The following HMGB1 variants were observed in gnomAD, a reference collection of about 807,000 sequenced individuals.
The protein encoded by HMGB1 is high mobility group protein B1.
For missense variants in HMGB1, 79 were observed against 253.5 expected (o/e 0.31, Z 4.67); for synonymous variants, 81 against 84.0 (o/e 0.96, Z 0.19).
intron 1 of HMGB1, among the ~76,000 whole-genome samples, chr13:30,517,445 C>A (rs1888125798): frequency 6.6e-6 from 1 of 152,254 alleles, no homozygotes; most frequent in Non-Finnish European, 1.5e-5. Flanking sequence ...CGCTCTGTCA[C>A]CCAGACTGGA....
intron 1 of HMGB1, among the ~76,000 whole-genome samples, chr13:30,478,400 G>A (rs1323335021): frequency 2.0e-5 from 3 of 152,042 alleles, no homozygotes; most frequent in Admixed American, 2.0e-4. Flanking sequence ...TTTATAATGT[G>A]GAAACAACCT....
In HMGB1 at chr13:30,457,486, G is replaced by A. The variant is rs1373702269; in HGVS notation, c.*3871C>T. Reference sequence around the variant, plus strand: ...TAATCCCAGCTACTTGAGAAACTGAGGCGGGAGGATTGTTTGAGCAGATTT... The same window carrying A: ...TAATCCCAGCTACTTGAGAAACTGAAGCGGGAGGATTGTTTGAGCAGATTT... On this transcript the variant is annotated 3_prime_UTR_variant, in exon 5 of 5. Coordinates refer to ENST00000341423, the MANE Select transcript of HMGB1 (RefSeq NM_002128.7). 6.6e-6 allele frequency: 1 copy of A among 152,202 alleles called. No homozygotes were observed. Among genetic ancestry groups the A allele is most frequent in the African/African-American group, 2.4e-5 (1 of 41,452 alleles). The allele number at this position is 152,202 out of a possible 1,614,324, so 9.4% of individuals were successfully genotyped here. A position where few individuals can be genotyped will look rare whatever the true frequency, so the allele number is the denominator to read the frequency against.
intron 1 of HMGB1, among the ~76,000 whole-genome samples, chr13:30,611,567 A>G (rs1457031118): frequency 1.3e-5 from 2 of 152,222 alleles, no homozygotes; most frequent in African/African-American, 4.8e-5. Context: ...GGGTCTTCCT[A>G]TAATTAAAAT....
At chr13:30,529,882 T>C (rs1288983092) in intron 1 of HMGB1, among the ~76,000 whole-genome samples, 1 of 152,228 alleles carries the variant, frequency 6.6e-6, no homozygotes, top group African/African-American at 2.4e-5. Context: ...TTTCTAAGCA[T>C]ATTATTTCCC....
At chr13:30,512,098 G>A (rs1195099118) in intron 1 of HMGB1, among the ~76,000 whole-genome samples, 3 of 151,812 alleles carry the variant, frequency 2.0e-5, no homozygotes, top group Non-Finnish European at 4.4e-5. Context: ...AGGATCACTT[G>A]AGCTCAGGAG....
chr13:30,589,007 C>CTTTTTTTTTT (rs1292576513), intron 1 of HMGB1, among the ~76,000 whole-genome samples: 1 of 141,718 alleles, frequency 7.1e-6, no homozygotes, highest in African/African-American at 2.6e-5. Context: ...TAGTTTACCA[C>CTTTTTTTTTT]TTTTTTTTTT....
At chr13:30,603,693 A>G (rs1950425587) in intron 1 of HMGB1, among the ~76,000 whole-genome samples, 1 of 152,234 alleles carries the variant, frequency 6.6e-6, no homozygotes, top group Admixed American at 6.5e-5. Flanking sequence ...GGATCATGAC[A>G]AATAATAAAT....
chr13:30,465,904 G>T lies in HMGB1; in HGVS notation c.-123C>A. ...ATGGCTGTGAGAGCGGGAGCCAGAC[G>T]CAGCCTCCTCACTCTCTCCGCTCTG... On this transcript the variant is annotated 5_prime_UTR_variant, in exon 1 of 5. Transcript: ENST00000341423. 1 of 985,808 alleles carries T rather than the reference G, an allele frequency of 1.0e-6. No individual in the cohort carries two copies. The highest frequency in any genetic ancestry group is 1.2e-6 in the Non-Finnish European group (1 of 829,880). 61.1% of individuals were successfully genotyped at this position (985,808 alleles called of 1,614,324 possible). A position where few individuals can be genotyped will look rare whatever the true frequency, so the allele number is the denominator to read the frequency against.
At chr13:30,583,752 T>C (rs1871010605) in intron 1 of HMGB1, among the ~76,000 whole-genome samples, 2 of 150,314 alleles carry the variant, frequency 1.3e-5, no homozygotes, top group Admixed American at 6.7e-5. Flanking sequence ...GGCAGGAGAA[T>C]TGCTTGAACC....
chr13:30,465,287 C>CCCGCCCCG (rs1157744441), intron 1 of HMGB1: 2 of 140,430 alleles, frequency 1.4e-5, no homozygotes, highest in Admixed American at 7.0e-5. Flanking sequence ...CGGCGCCCCG[C>CCCGCCCCG]CCGCCCCGCC....
At chr13:30,542,098 G>A (rs1868919357) in intron 1 of HMGB1, 1 of 153,644 alleles carries the variant, frequency 6.5e-6, no homozygotes, top group African/African-American at 2.4e-5. Flanking sequence ...TCTTGGTGTT[G>A]AGCGCATCCA....
chr13:30,460,871 G>A lies in HMGB1; in HGVS notation c.*486C>T. ...CTTCCCCTCAAGAAGAAAAATTTCAGACCTATGAAAAGGACAACAATACTA... is the reference window on the plus strand; with the variant it reads ...CTTCCCCTCAAGAAGAAAAATTTCAAACCTATGAAAAGGACAACAATACTA... On this transcript the variant is annotated 3_prime_UTR_variant, in exon 5 of 5. Transcript: ENST00000341423. The A allele has an allele frequency of 1.0e-5, 4 of 395,788 alleles. No homozygotes were observed. Among genetic ancestry groups the A allele is most frequent in the Non-Finnish European group, 1.4e-5 (4 of 291,624 alleles). 24.5% of individuals were successfully genotyped at this position (395,788 alleles called of 1,614,324 possible).
intron 1 of HMGB1, among the ~76,000 whole-genome samples, chr13:30,516,280 T>C (rs577085686): frequency 1.3e-5 from 2 of 152,360 alleles, no homozygotes; most frequent in South Asian, 2.1e-4. Flanking sequence ...AGAAGTTAAA[T>C]TGATTCAAGA....
intron 1 of HMGB1, among the ~76,000 whole-genome samples, chr13:30,578,450 A>G (rs1870758709): frequency 6.7e-6 from 1 of 148,534 alleles, no homozygotes; most frequent in Non-Finnish European, 1.5e-5. Context: ...ATGTTCCACA[A>G]ACTGAATGGA....
chr13:30,465,838 A>G lies in HMGB1; in HGVS notation c.-57T>C. 2 of 985,484 alleles carry G rather than the reference A, an allele frequency of 2.0e-6. No homozygotes were observed. The highest frequency in any genetic ancestry group is 2.4e-6 in the Non-Finnish European group (2 of 829,682). 61.0% of individuals were successfully genotyped at this position (985,484 alleles called of 1,614,324 possible). Reference sequence around the variant, plus strand: ...GTCGCCCAGTGCCCGTCCGGCTCTCACTTGCCCCGGTGCTGTCTCTATGGA... The same window carrying G: ...GTCGCCCAGTGCCCGTCCGGCTCTCGCTTGCCCCGGTGCTGTCTCTATGGA... On this transcript the variant is annotated 5_prime_UTR_variant, in exon 1 of 5. Coordinates refer to ENST00000341423, the MANE Select transcript of HMGB1 (RefSeq NM_002128.7).
chr13:30,517,542 C>T (rs1351313792), intron 1 of HMGB1, among the ~76,000 whole-genome samples: 1 of 152,146 alleles, frequency 6.6e-6, no homozygotes, highest in Non-Finnish European at 1.5e-5. Flanking sequence ...GTAGCTGGGA[C>T]TACACCATGC....
chr13:30,561,207 G>T (rs1463901344), intron 1 of HMGB1, among the ~76,000 whole-genome samples: 1 of 152,256 alleles, frequency 6.6e-6, no homozygotes, highest in African/African-American at 2.4e-5. Flanking sequence ...GCCAATAGAC[G>T]GCAGTATTTT....
chr13:30,461,713 C>T (rs910748301), intron 4 of HMGB1, 180 bp from the exon 5 acceptor site: 1 of 1,506,934 alleles, frequency 6.6e-7, no homozygotes, highest in Admixed American at 1.8e-5. Flanking sequence ...CATAAAAATA[C>T]AAGATCATTA....
intron 1 of HMGB1, among the ~76,000 whole-genome samples, chr13:30,588,107 T>C (rs1008445755): frequency 1.3e-5 from 2 of 152,224 alleles, no homozygotes; most frequent in Admixed American, 6.5e-5. Flanking sequence ...TGAAGATTTA[T>C]CATGTGCTCA....
Sources: allele counts gnomAD v4.1 joint callset (sites outside exome capture counted in the v4.1 genomes callset), GRCh38; gene constraint gnomAD v4.1.1; transcripts MANE v1.5; gene names NCBI Gene and HGNC (gene_info 2026-07-23, HGNC 2026-07-21).